The following BBS9 variants were observed in gnomAD, a reference collection of about 807,000 sequenced individuals.
BBS9 encodes the protein Bardet-Biedl syndrome 9.
BBS9 carries 89 observed loss-of-function variants against 117.7 expected under a neutral mutation model. The ratio of observed to expected loss-of-function variants is 0.76; its 90% confidence interval spans 0.64 to 0.90. BBS9 has a LOEUF of 0.90. BBS9 is among the 40% of genes least tolerant of loss of function. BBS9 has a pLI of 0.00. For missense variants in BBS9, 982 were observed against 1,042.2 expected, an observed-to-expected ratio of 0.94 and a Z score of 0.80; for synonymous variants, 379 against 370.9, an observed-to-expected ratio of 1.02 and a Z score of -0.25.
At chr7:33,634,169 C>T (rs773828315) in intron 21 of BBS9, among the ~76,000 whole-genome samples, 14 of 152,220 alleles carry the variant, frequency 9.2e-5, no homozygotes, top group Non-Finnish European at 2.1e-4. Flanking sequence ...AAGTCCCTGC[C>T]TCCCCCAGGA....
intron 19 of BBS9, among the ~76,000 whole-genome samples, chr7:33,473,469 A>G (rs1841374628): frequency 6.6e-6 from 1 of 152,090 alleles, no homozygotes; most frequent in East Asian, 1.9e-4. Flanking sequence ...GATTACAGGG[A>G]CCCGACACCA....
intron 5 of BBS9, among the ~76,000 whole-genome samples, chr7:33,194,502 G>A (rs1006272949): frequency 1.2e-4 from 18 of 152,054 alleles, no homozygotes; most frequent in Admixed American, 5.2e-4. Context: ...TTTAATCCAC[G>A]AAGTTACATT....
chr7:33,398,440 T>A (rs2128782744), intron 19 of BBS9, among the ~76,000 whole-genome samples: 1 of 152,352 alleles, frequency 6.6e-6, no homozygotes, highest in East Asian at 1.9e-4. Context: ...GTGGATGTTC[T>A]CTTACTCTGT....
In BBS9 at chr7:33,426,066, G is replaced by T. The variant is rs1437504010; in HGVS notation, c.2115+37922G>T. 3.9e-5 allele frequency among the ~76,000 whole-genome samples: 6 copies of T among 152,220 alleles called. No homozygotes were observed. In the East Asian group the frequency reaches 1.2e-3, roughly 29 times the overall value. On this transcript the variant is annotated intron_variant, in intron 19 of 22. Transcript: ENST00000242067. The stretch of plus-strand genomic sequence containing the variant: ...GTCCAGTTTGTGGAGTAAAATATTG[G>T]CATGAAGAGAACGGAAACATTGCAT...
chr7:33,613,289 A>T (rs988026296), intron 21 of BBS9, among the ~76,000 whole-genome samples: 3 of 152,092 alleles, frequency 2.0e-5, no homozygotes, highest in African/African-American at 7.2e-5. Flanking sequence ...TGCTTGAAAG[A>T]ACCCTAAAAT....
intron 5 of BBS9, among the ~76,000 whole-genome samples, chr7:33,250,453 A>G (rs909570707): frequency 6.6e-6 from 1 of 152,146 alleles, no homozygotes; most frequent in Admixed American, 6.5e-5. Flanking sequence ...CTGAAATCCC[A>G]TTGCTTTTGT....
chr7:33,575,855 GC>G (rs375679669), intron 21 of BBS9, among the ~76,000 whole-genome samples: 2,858 of 152,102 alleles, frequency 0.019, 88 homozygotes, highest in African/African-American at 0.065. Context: ...AAATTCAACA[GC>G]CCTTCATGCT....
At chr7:33,334,343 A>T (rs1814811339) in intron 9 of BBS9, among the ~76,000 whole-genome samples, 1 of 152,208 alleles carries the variant, frequency 6.6e-6, no homozygotes, top group African/African-American at 2.4e-5. Flanking sequence ...GATGAAATGG[A>T]AATGCCTGTT....
intron 19 of BBS9, among the ~76,000 whole-genome samples, chr7:33,447,309 G>A (rs368418604): frequency 1.3e-5 from 2 of 152,318 alleles, no homozygotes; most frequent in South Asian, 2.1e-4. Flanking sequence ...AGCAATCATA[G>A]TGGGCACCTC....
intron 7 of BBS9, among the ~76,000 whole-genome samples, chr7:33,269,937 C>T (rs1258797782): frequency 3.3e-5 from 5 of 150,442 alleles, no homozygotes; most frequent in African/African-American, 7.4e-5. Flanking sequence ...GCAGGAGAAT[C>T]GCTTGAACCT....
chr7:33,238,652 G>T (rs1300789898), intron 5 of BBS9, among the ~76,000 whole-genome samples: 1 of 152,000 alleles, frequency 6.6e-6, no homozygotes, highest in Non-Finnish European at 1.5e-5. Context: ...TATGAAGTTT[G>T]CATTAAGAGG....
chr7:33,411,076 G>A (rs185406749), intron 19 of BBS9, among the ~76,000 whole-genome samples: 147 of 147,400 alleles, frequency 1.0e-3, no homozygotes, highest in East Asian at 4.0e-4. Context: ...ATATGCATAC[G>A]GGAATAATTA....
intron 20 of BBS9, among the ~76,000 whole-genome samples, chr7:33,524,691 A>G (rs1849197113): frequency 6.6e-6 from 1 of 152,034 alleles, no homozygotes; most frequent in Admixed American, 6.5e-5. Flanking sequence ...TGATCCTTTC[A>G]AAAAACCAGC....
Position 33,439,412 on chromosome 7 carries a change from C to A in BBS9, c.2115+51268C>A, listed in dbSNP as rs111705905. Among the ~76,000 whole-genome samples, 626 of 152,132 alleles carry A rather than the reference C, an allele frequency of 4.1e-3. 7 individuals are homozygous for A. Among genetic ancestry groups the A allele is most frequent in the Non-Finnish European group, 7.4e-3 (506 of 68,004 alleles). On this transcript the variant is annotated intron_variant, in intron 19 of 22. Coordinates refer to ENST00000242067, the MANE Select transcript of BBS9 (RefSeq NM_198428.3). ...AATGCTATTGTCTTTCTGATGTGACCCATGATTTCATAGATTTCTACATTT... is the reference window on the plus strand; with the variant it reads ...AATGCTATTGTCTTTCTGATGTGACACATGATTTCATAGATTTCTACATTT...
chr7:33,401,676 G>A (rs1444992677), intron 19 of BBS9, among the ~76,000 whole-genome samples: 2 of 152,182 alleles, frequency 1.3e-5, no homozygotes, highest in African/African-American at 2.4e-5. Context: ...TCTGGGTTAA[G>A]ACAAGAGATC....
At chr7:33,384,260 A>G (rs1825618183) in intron 18 of BBS9, among the ~76,000 whole-genome samples, 1 of 152,220 alleles carries the variant, frequency 6.6e-6, no homozygotes, top group Non-Finnish European at 1.5e-5. Context: ...CTGCATCTGA[A>G]TGAGGGTTAA....
chr7:33,333,820 C>T (rs1279741281), intron 9 of BBS9, among the ~76,000 whole-genome samples: 2 of 152,142 alleles, frequency 1.3e-5, no homozygotes, highest in Admixed American at 6.5e-5. Context: ...CCACATTGGC[C>T]AGGCTGGTTT....
intron 9 of BBS9, among the ~76,000 whole-genome samples, chr7:33,302,890 A>G (rs1388942853): frequency 2.0e-5 from 3 of 152,190 alleles, no homozygotes; most frequent in Non-Finnish European, 4.4e-5. Context: ...TTTTAACAAT[A>G]TTGATTCTTC....
chr7:33,536,665 T>C (rs1189092957), intron 21 of BBS9, among the ~76,000 whole-genome samples: 2 of 1,642 alleles, frequency 1.2e-3, no homozygotes, highest in Non-Finnish European at 2.4e-3. Context: ...GTGTAAGCTG[T>C]TCTGTGATTC....
Sources: gnomAD v4.1 joint callset for allele counts (sites outside exome capture counted in the v4.1 genomes callset) on GRCh38, gnomAD v4.1.1 for gene constraint, MANE v1.5 for transcripts, NCBI Gene and HGNC (gene_info 2026-07-23, HGNC 2026-07-21) for gene names.